CACNA1S: variants seen among roughly 807,000 people sequenced by gnomAD.
The protein encoded by CACNA1S is voltage-dependent L-type calcium channel subunit alpha-1S.
A neutral mutation model predicts 207.4 loss-of-function variants in CACNA1S; 126 were observed. That is an observed-to-expected ratio of 0.61 (90% CI 0.53 to 0.70). The LOEUF is 0.70. Among genes scored for constraint, CACNA1S ranks in the 30% least tolerant of loss-of-function variants. CACNA1S has a pLI of 0.00. For synonymous variants in CACNA1S, 960 were observed against 932.7 expected (o/e 1.03, Z -0.53); for missense variants, 2,349 against 2,422.8 (o/e 0.97, Z 0.64).
In CACNA1S at chr1:201,048,990, C is replaced by A. The variant is rs370782181; in HGVS notation, c.4338+13G>T. 207 of 1,605,836 alleles carry A rather than the reference C, an allele frequency of 1.3e-4. No homozygotes were observed. In the African/African-American group the frequency reaches 2.6e-3, roughly 20 times the overall value. On this transcript the variant is annotated intron_variant, in intron 35 of 43. Coordinates refer to ENST00000362061, the MANE Select transcript of CACNA1S (RefSeq NM_000069.3). ...CCTCCCTGGGGCCACCCATCCCTGGCAGCTCTGGTTACCTTACAAGCTACC... is the reference window on the plus strand; with the variant it reads ...CCTCCCTGGGGCCACCCATCCCTGGAAGCTCTGGTTACCTTACAAGCTACC...
chr1:201,096,241 C>T (rs533701514), intron 2 of CACNA1S, among the ~76,000 whole-genome samples: 2 of 152,318 alleles, frequency 1.3e-5, no homozygotes, highest in African/African-American at 2.4e-5. Context: ...ACCATACTCC[C>T]TCCAGCCCAA....
rs80338782 is a variant in CACNA1S, at chr1:201,060,816, G to T, written c.3256C>A (p.Arg1086Ser). ...TTCAGGGCATACTGTACACATTGGC[G>T]CTGTGACACATACAACAGGACAGGT... ...YKNCELDKNQ[R>S]QCVQYALKAR... is the part of the protein sequence containing the mutation. Residue 1086 changes from arginine (R) to serine (S), a missense_variant and splice_region_variant, in exon 26 of 44, where the codon CGC becomes AGC. Arg to Ser is a moderately radical substitution (Grantham distance 110). Coordinates refer to ENST00000362061, the MANE Select transcript of CACNA1S (RefSeq NM_000069.3). 30 of 1,614,144 alleles carry T rather than the reference G, an allele frequency of 1.9e-5. 1 individual carries two copies. In the South Asian group the frequency reaches 3.2e-4, roughly 17 times the overall value.
intron 22 of CACNA1S, among the ~76,000 whole-genome samples, chr1:201,063,042 G>A (rs1661120804): frequency 6.6e-6 from 1 of 152,172 alleles, no homozygotes; most frequent in East Asian, 1.9e-4. Context: ...ACTTGTCTCA[G>A]AGTCAAGCGG....
intron 13 of CACNA1S, 143 bp downstream of exon 13, chr1:201,075,352 C>T: frequency 1.1e-6 from 1 of 869,638 alleles, no homozygotes. Flanking sequence ...CTATGTCCTA[C>T]CCCCTACCGC....
intron 2 of CACNA1S, among the ~76,000 whole-genome samples, chr1:201,099,933 G>A (rs1662575712): frequency 6.6e-6 from 1 of 152,126 alleles, no homozygotes; most frequent in African/African-American, 2.4e-5. Context: ...TTGAAGGTGT[G>A]GCAGGATCTG....
intron 10 of CACNA1S, among the ~76,000 whole-genome samples, chr1:201,081,337 A>G (rs1362096977): frequency 6.6e-6 from 1 of 152,228 alleles, no homozygotes; most frequent in African/African-American, 2.4e-5. Flanking sequence ...TCCAGGAAAC[A>G]TCATTCTTAT....
intron 2 of CACNA1S, among the ~76,000 whole-genome samples, chr1:201,095,662 C>A (rs767820028): frequency 6.6e-6 from 1 of 152,206 alleles, no homozygotes; most frequent in Non-Finnish European, 1.5e-5. Flanking sequence ...AATTTGTGAT[C>A]CCAAAGCTTT....
At chr1:201,052,478 T>C in intron 32 of CACNA1S, 79 bp downstream of exon 32, 1 of 1,139,298 alleles carries the variant, frequency 8.8e-7, no homozygotes, top group Non-Finnish European at 1.3e-6. Context: ...AAGCCAGCCC[T>C]GGCTCCAGTG....
intron 2 of CACNA1S, among the ~76,000 whole-genome samples, chr1:201,104,536 A>G (rs1298200841): frequency 1.3e-5 from 2 of 152,190 alleles, no homozygotes; most frequent in African/African-American, 4.8e-5. Context: ...ATCCTATTCC[A>G]TCATTCTCTC....
chr1:201,060,568 G>A (rs2102573167), intron 26 of CACNA1S, 90 bp downstream of exon 26: 4 of 1,365,552 alleles, frequency 2.9e-6, no homozygotes, highest in South Asian at 1.2e-5. Context: ...CTACTGGGGG[G>A]AATCCTGGCT....
chr1:201,052,614 T>G lies in CACNA1S; in HGVS notation c.3896A>C (p.Gln1299Pro). The G allele has an allele frequency of 6.2e-7, 1 of 1,613,976 alleles. No homozygotes were observed. The highest frequency in any genetic ancestry group is 8.5e-7 in the Non-Finnish European group (1 of 1,179,986). ...CTGGAAGTTGTTGTTCCGGTTTATT[T>G]GGGTCCCATCCACCAAGGCGATCTT... ...FGKIALVDGT[Q>P]INRNNNFQTF... The change falls in exon 32 of 44, where the codon CAA (glutamine) becomes CCA (proline). Residue 1299 changes from glutamine to proline, a missense_variant. By Grantham distance (76) the Gln-to-Pro change is moderately conservative. Transcript: ENST00000362061.
intron 5 of CACNA1S, 119 bp downstream of exon 5, chr1:201,091,521 A>G (rs1389930950): frequency 8.9e-7 from 1 of 1,129,332 alleles, no homozygotes. Flanking sequence ...CCCATTCTCA[A>G]GGTCAACAGA....
chr1:201,061,453 G>A lies in CACNA1S; in HGVS notation c.3069C>T (p.Ala1023=). Residue 1023 remains alanine, a synonymous_variant, in exon 25 of 44, where the codon GCC becomes GCT. Transcript: ENST00000362061. The part of the protein sequence containing the change: ...FEGWPQLLYK[A]IDSNAEDVGP... ...CCACGTCCTCCGCATTGGAGTCTAT[G>A]GCCTTGTACAGCAGCCTGGGGGTGG... 6.2e-7 allele frequency: 1 copy of A among 1,614,116 alleles called. No homozygotes were observed. The highest frequency in any genetic ancestry group is 8.5e-7 in the Non-Finnish European group (1 of 1,179,946).
Position 201,087,686 on chromosome 1 carries a change from C to T in CACNA1S, c.1004+140G>A, listed in dbSNP as rs535866196. 1.5e-5 allele frequency: 10 copies of T among 677,850 alleles called. No homozygotes were observed. In the South Asian group the frequency reaches 1.7e-4, roughly 12 times the overall value. 42.0% of individuals were successfully genotyped at this position (677,850 alleles called of 1,614,324 possible). A position where few individuals can be genotyped will look rare whatever the true frequency, so the allele number is the denominator to read the frequency against. On this transcript the variant is annotated intron_variant, in intron 7 of 43. Coordinates refer to ENST00000362061, the MANE Select transcript of CACNA1S (RefSeq NM_000069.3). ...GCCCCCTGCCCTGCTCCACTCCTTC[C>T]TCCTCCTCCCTTCTCTCCTCCTCCT... is the stretch of plus-strand genomic sequence containing the variant.
chr1:201,096,347 G>T (rs913005622), intron 2 of CACNA1S, among the ~76,000 whole-genome samples: 1 of 152,236 alleles, frequency 6.6e-6, no homozygotes, highest in African/African-American at 2.4e-5. Flanking sequence ...AAAGGGATGT[G>T]TCCCCTCTTG....
intron 2 of CACNA1S, among the ~76,000 whole-genome samples, chr1:201,098,656 C>T (rs12409138): frequency 0.31 from 46,953 of 152,040 alleles, 7,756 homozygotes; most frequent in Middle Eastern, 0.38. Context: ...TGCTCACCTT[C>T]GAACCAGGTG....
At chr1:201,091,899 G>A in intron 4 of CACNA1S, 73 bp downstream of exon 4, 1 of 1,608,108 alleles carries the variant, frequency 6.2e-7, no homozygotes, top group South Asian at 1.1e-5. Flanking sequence ...AGGTAGGAAG[G>A]GGACCCAGAA....
intron 36 of CACNA1S, 105 bp from the exon 37 acceptor site, chr1:201,047,731 A>T: frequency 1.3e-6 from 1 of 797,058 alleles, no homozygotes; most frequent in East Asian, 2.5e-5. Flanking sequence ...TTTACTAAGA[A>T]ACATTGGCTG....
At position 201,066,850 on chromosome 1, in the gene CACNA1S, T is replaced by G. The variant is rs1167052895; in HGVS notation, c.2657+37A>C. 6.9e-7 allele frequency: 1 copy of G among 1,458,258 alleles called. No individual in the cohort carries two copies. The highest frequency in any genetic ancestry group is 2.0e-4 in the Middle Eastern group (1 of 5,112). 90.3% of individuals were successfully genotyped at this position (1,458,258 alleles called of 1,614,324 possible). A position where few individuals can be genotyped will look rare whatever the true frequency, so the allele number is the denominator to read the frequency against. Reference sequence around the variant, plus strand: ...CAAAGCCCTGGCACAGAGCAGAGGGTGGTCTGTGCCCAGGGCTGGCCCTTG... The same window carrying G: ...CAAAGCCCTGGCACAGAGCAGAGGGGGGTCTGTGCCCAGGGCTGGCCCTTG... On this transcript the variant is annotated intron_variant, in intron 20 of 43. Coordinates refer to ENST00000362061, the MANE Select transcript of CACNA1S (RefSeq NM_000069.3). The surrounding 1 kb of genome is among the most constrained non-coding windows in gnomAD (Gnocchi z 4.3).
Sources: allele counts gnomAD v4.1 joint callset (sites outside exome capture counted in the v4.1 genomes callset), GRCh38; gene constraint gnomAD v4.1.1; non-coding constraint Gnocchi (gnomAD v3.1); transcripts MANE v1.5; gene names NCBI Gene and HGNC (gene_info 2026-07-23, HGNC 2026-07-21).